The following PM20D1 variants were observed in gnomAD, a reference collection of about 807,000 sequenced individuals.
PM20D1 encodes N-fatty-acyl-amino acid synthase/hydrolase PM20D1.
A neutral mutation model predicts 53.8 loss-of-function variants in PM20D1; 53 were observed. The observed-to-expected ratio is 0.98, with a 90% confidence interval of 0.79 to 1.24. The LOEUF (loss-of-function observed/expected upper bound fraction) is 1.24. PM20D1 is among the 50% of genes most tolerant of loss of function. The probability of loss-of-function intolerance (pLI) is 0.00; values close to 1 mark genes in which losing one functional copy is unlikely to be tolerated. For missense variants in PM20D1, 564 were observed against 616.8 expected (o/e 0.91, Z 0.91); for synonymous variants, 239 against 241.3 (o/e 0.99, Z 0.09).
intron 1 of PM20D1, among the ~76,000 whole-genome samples, chr1:205,848,769 A>G (rs938337705): frequency 2.3e-4 from 35 of 152,302 alleles, no homozygotes; most frequent in African/African-American, 7.9e-4. Flanking sequence ...TGAAAGACAA[A>G]CTTCATCAGT....
chr1:205,829,964 G>A (rs1429971785), intron 12 of PM20D1: 1 of 249,504 alleles, frequency 4.0e-6, no homozygotes, highest in African/African-American at 2.2e-5. Context: ...GGGGTCCAGA[G>A]GATAAGCCCT....
chr1:205,842,264 G>A (rs756322761), intron 7 of PM20D1, 49 bp from the exon 8 acceptor site: 3 of 1,523,794 alleles, frequency 2.0e-6, no homozygotes, highest in African/African-American at 1.4e-5. Context: ...AGTTTAGCCT[G>A]GGTCTCTGAG....
At chr1:205,829,832 C>T (rs1361535603) in intron 12 of PM20D1, 2 of 155,220 alleles carry the variant, frequency 1.3e-5, no homozygotes, top group Non-Finnish European at 2.9e-5. Context: ...TTGGTGCTCA[C>T]ATCTTGGATT....
chr1:205,850,068 G>GCCATGCT lies in PM20D1; in HGVS notation c.-3_4dup (p.Ala2GlufsTer68), dbSNP rs1558096768. 6.2e-7 allele frequency: 1 copy of GCCATGCT among 1,612,742 alleles called. No homozygotes were observed. ...GGCCAGCACGCAAACGCACCGCTGAGCCATGCTTCTCTCGAGCTCCTGCTG... is the reference window on the plus strand; with the variant it reads ...GGCCAGCACGCAAACGCACCGCTGAGCCATGCTCCATGCTTCTCTCGAGCTCCTGCTG... On this transcript the variant is annotated frameshift_variant, in exon 1 of 13. Transcript: ENST00000367136. LOFTEE classifies it high-confidence loss of function.
chr1:205,838,106 T>G (rs1364447554), intron 10 of PM20D1, among the ~76,000 whole-genome samples: 1 of 152,012 alleles, frequency 6.6e-6, no homozygotes, highest in East Asian at 1.9e-4. Context: ...ATTAAAGTCC[T>G]CTCTGGGGAA....
intron 2 of PM20D1, among the ~76,000 whole-genome samples, chr1:205,846,656 T>C (rs1188517434): frequency 7.2e-5 from 11 of 152,342 alleles, no homozygotes; most frequent in African/African-American, 2.6e-4. Context: ...ATGTGTTATG[T>C]GAACATAAAG....
Position 205,828,676 on chromosome 1 carries a change from A to G in PM20D1, c.1453T>C (p.Leu485=). 1 of 1,614,178 alleles carries G rather than the reference A, an allele frequency of 6.2e-7. No homozygotes were observed. ...YETQVKFIFE[L]IQNADTDQEP... is the part of the protein sequence containing the mutation. ...TGGTCTGTGTCAGCATTCTGAATCA[A>G]CTCAAAGATGAATTTCACTTGGGTC... The change falls in exon 13 of 13, where the codon TTG becomes CTG. Residue 485 remains leucine (L), a synonymous_variant. Coordinates refer to ENST00000367136, the MANE Select transcript of PM20D1 (RefSeq NM_152491.5).
At chr1:205,848,132 G>A (rs578245153) in intron 1 of PM20D1, among the ~76,000 whole-genome samples, 161 bp from the exon 2 acceptor site, 2 of 152,356 alleles carry the variant, frequency 1.3e-5, no homozygotes, top group Non-Finnish European at 2.9e-5. Flanking sequence ...ATTCGAAGAT[G>A]AGGGAAAATG....
At position 205,828,560 on chromosome 1, in the gene PM20D1, C is replaced by T. The variant is rs1394141194; in HGVS notation, c.*60G>A. 1.9e-6 allele frequency: 3 copies of T among 1,597,328 alleles called. No homozygotes were observed. The South Asian group carries it at 3.4e-5, about 18-fold the overall frequency. On this transcript the variant is annotated 3_prime_UTR_variant, in exon 13 of 13. Coordinates refer to ENST00000367136, the MANE Select transcript of PM20D1 (RefSeq NM_152491.5). ...CAAAAGTTTCATCAACACTAGCTTTCCCCCTTGGGTTAGTCCTGTCCCGGG... is the reference window on the plus strand; with the variant it reads ...CAAAAGTTTCATCAACACTAGCTTTTCCCCTTGGGTTAGTCCTGTCCCGGG...
chr1:205,842,893 A>T (rs1040712841), intron 6 of PM20D1, 142 bp from the exon 7 acceptor site: 1 of 676,302 alleles, frequency 1.5e-6, no homozygotes, highest in Non-Finnish European at 2.6e-6. Context: ...CACCTCCACC[A>T]ACTCAACATT....
At chr1:205,847,519 G>A (rs1249898631) in intron 2 of PM20D1, among the ~76,000 whole-genome samples, 1 of 127,858 alleles carries the variant, frequency 7.8e-6, no homozygotes, top group African/African-American at 3.0e-5. Context: ...ATATGTACCG[G>A]TGTGTTTGGG....
intron 10 of PM20D1, among the ~76,000 whole-genome samples, chr1:205,833,383 G>A (rs558029371): frequency 6.6e-6 from 1 of 152,336 alleles, no homozygotes; most frequent in East Asian, 1.9e-4. Flanking sequence ...TTCAGCCTCG[G>A]AGAACCTCAG....
chr1:205,831,418 G>A (rs1656557591), intron 11 of PM20D1, among the ~76,000 whole-genome samples: 1 of 152,206 alleles, frequency 6.6e-6, no homozygotes, highest in Admixed American at 6.5e-5. Context: ...AGGGCCAAGA[G>A]AGGAGAATCT....
chr1:205,845,639 T>C, intron 2 of PM20D1, 82 bp from the exon 3 acceptor site: 1 of 1,167,806 alleles, frequency 8.6e-7, no homozygotes, highest in South Asian at 1.5e-5. Flanking sequence ...TTCCTGTTCC[T>C]TTATTTATTT....
At chr1:205,843,993 A>T in intron 5 of PM20D1, 94 bp downstream of exon 5, 2 of 1,518,946 alleles carry the variant, frequency 1.3e-6, no homozygotes, top group Non-Finnish European at 1.8e-6. Flanking sequence ...GTACACAAAG[A>T]GTTGTCTCAG....
intron 10 of PM20D1, among the ~76,000 whole-genome samples, chr1:205,839,574 G>A (rs550588781): frequency 6.6e-6 from 1 of 151,968 alleles, no homozygotes; most frequent in African/African-American, 2.4e-5. Context: ...GGCTGGGTGT[G>A]GTGGCTCATG....
At chr1:205,836,542 C>G (rs149000302) in intron 10 of PM20D1, among the ~76,000 whole-genome samples, 5 of 152,346 alleles carry the variant, frequency 3.3e-5, no homozygotes, top group South Asian at 2.1e-4. Flanking sequence ...GTGTCTTGCT[C>G]TGTCACCCAG....
chr1:205,840,378 T>A (rs1010093285), intron 9 of PM20D1, 55 bp from the exon 10 acceptor site: 20 of 1,519,410 alleles, frequency 1.3e-5, no homozygotes, highest in Admixed American at 1.7e-5. Flanking sequence ...CTTCTACATC[T>A]GCCTGCCCAG....
At position 205,832,705 on chromosome 1, in the gene PM20D1, G is replaced by A; in HGVS notation, c.1178C>T (p.Ala393Val). 1 of 1,613,848 alleles carries A rather than the reference G, an allele frequency of 6.2e-7. No individual in the cohort carries two copies. Among genetic ancestry groups the A allele is most frequent in the Non-Finnish European group, 8.5e-7 (1 of 1,179,896 alleles). The change falls in exon 11 of 13, where the codon GCC becomes GTC. Residue 393 changes from alanine to valine, a missense_variant. Physicochemically the swap from Ala to Val is moderately conservative, Grantham distance 64. Transcript: ENST00000367136. Reference sequence around the variant, plus strand: ...AGGGCTGACGGGGAGGGGGTCAAAGGCACTCAACACATGGAACTGGACTCT... The same window carrying A: ...AGGGCTGACGGGGAGGGGGTCAAAGACACTCAACACATGGAACTGGACTCT... ...DNRVQFHVLS[A>V]FDPLPVSPSD...
Sources: allele counts gnomAD v4.1 joint callset (sites outside exome capture counted in the v4.1 genomes callset), GRCh38; gene constraint gnomAD v4.1.1; transcripts MANE v1.5; gene names NCBI Gene and HGNC (gene_info 2026-07-23, HGNC 2026-07-21).